PDE7B: variants seen among roughly 807,000 people sequenced by gnomAD.
PDE7B encodes the protein phosphodiesterase 7B, also known as 3',5'-cyclic-AMP phosphodiesterase 7B.
In PDE7B, 29 loss-of-function variants were observed where a neutral mutation model predicts 56.2. The observed-to-expected ratio is 0.52, with a 90% CI of 0.38 to 0.70. PDE7B has a LOEUF of 0.70. Among genes scored for constraint, PDE7B ranks in the 30% least tolerant of loss-of-function variants. The pLI is 0.00. For synonymous variants in PDE7B, 197 were observed against 196.9 expected (o/e 1.00, Z 0.00); for missense variants, 490 against 565.0 (o/e 0.87, Z 1.35).
intron 2 of PDE7B, among the ~76,000 whole-genome samples, chr6:136,010,716 G>A (rs1022302513): frequency 6.6e-6 from 1 of 151,920 alleles, no homozygotes; most frequent in Non-Finnish European, 1.5e-5. Flanking sequence ...GCAACCACTG[G>A]GTCCCTCCCT....
intron 2 of PDE7B, chr6:136,044,459 A>G (rs768599469): frequency 1.3e-5 from 2 of 152,198 alleles, no homozygotes; most frequent in Admixed American, 6.6e-5. Flanking sequence ...CTCAAGAAAC[A>G]TGAATTCTAG....
At chr6:136,020,770 CA>C (rs764974192) in intron 2 of PDE7B, among the ~76,000 whole-genome samples, 61 of 151,892 alleles carry the variant, frequency 4.0e-4, no homozygotes, top group Non-Finnish European at 6.0e-4. Flanking sequence ...AATTATCTTT[CA>C]GGTCACCTCT....
intron 2 of PDE7B, among the ~76,000 whole-genome samples, chr6:136,031,546 C>T (rs1050734654): frequency 5.3e-5 from 8 of 151,542 alleles, no homozygotes; most frequent in Admixed American, 3.9e-4. Context: ...GAGACCATCC[C>T]GGCTAAAACG....
intron 2 of PDE7B, among the ~76,000 whole-genome samples, chr6:135,955,576 T>C (rs1774777592): frequency 6.6e-6 from 1 of 152,048 alleles, no homozygotes; most frequent in African/African-American, 2.4e-5. Context: ...ATAGGACAAA[T>C]AACCATTGAA....
intron 1 of PDE7B, among the ~76,000 whole-genome samples, chr6:135,853,670 G>T (rs1343383264): frequency 6.6e-6 from 1 of 152,078 alleles, no homozygotes; most frequent in East Asian, 1.9e-4. Context: ...TCACTCTCTT[G>T]AACAACATGT....
intron 2 of PDE7B, among the ~76,000 whole-genome samples, chr6:135,966,278 G>A (rs376616551): frequency 4.6e-5 from 7 of 152,068 alleles, no homozygotes; most frequent in African/African-American, 1.7e-4. Context: ...TTTTAATGAA[G>A]GGGGCTACCT....
intron 1 of PDE7B, among the ~76,000 whole-genome samples, chr6:135,863,996 T>A (rs1391032522): frequency 6.6e-6 from 1 of 152,106 alleles, no homozygotes; most frequent in Non-Finnish European, 1.5e-5. Context: ...TTTATTCTTC[T>A]TGTTCTATAT....
intron 2 of PDE7B, among the ~76,000 whole-genome samples, chr6:136,052,354 G>A (rs942926648): frequency 1.3e-5 from 2 of 152,184 alleles, no homozygotes; most frequent in South Asian, 2.1e-4. Flanking sequence ...TCCTGGCTTC[G>A]GGTATGTGGA....
chr6:135,891,604 T>C (rs1209787188), intron 1 of PDE7B, among the ~76,000 whole-genome samples: 1 of 152,220 alleles, frequency 6.6e-6, no homozygotes, highest in Non-Finnish European at 1.5e-5. Context: ...CAGAATCATC[T>C]GAACACAGTG....
intron 1 of PDE7B, among the ~76,000 whole-genome samples, chr6:135,873,530 T>A (rs1775430108): frequency 6.6e-6 from 1 of 152,198 alleles, no homozygotes; most frequent in South Asian, 2.1e-4. Flanking sequence ...GGTAGTTTTA[T>A]GAATTCTGGA....
intron 1 of PDE7B, among the ~76,000 whole-genome samples, chr6:135,892,727 G>A (rs1775830165): frequency 6.6e-6 from 1 of 152,158 alleles, no homozygotes; most frequent in Admixed American, 6.6e-5. Flanking sequence ...CAGCATCGAA[G>A]CTCATATATA....
chr6:136,072,135 C>T (rs1777058948), intron 2 of PDE7B, among the ~76,000 whole-genome samples: 1 of 152,174 alleles, frequency 6.6e-6, no homozygotes, highest in South Asian at 2.1e-4. Flanking sequence ...TATTATGTAG[C>T]AGGCATCATA....
chr6:136,172,801 T>C (rs902937109), intron 8 of PDE7B, among the ~76,000 whole-genome samples: 12 of 152,324 alleles, frequency 7.9e-5, no homozygotes, highest in African/African-American at 2.4e-4. Context: ...CATCTTGAAT[T>C]AATTTTTGTA....
intron 1 of PDE7B, among the ~76,000 whole-genome samples, chr6:135,874,340 ACTTT>A (rs1775449427): frequency 6.6e-6 from 1 of 152,080 alleles, no homozygotes. Context: ...TTTTCTTCTT[ACTTT>A]CTTTCTAATT....
chr6:136,067,891 G>A (rs1776973389), intron 2 of PDE7B, among the ~76,000 whole-genome samples: 1 of 152,180 alleles, frequency 6.6e-6, no homozygotes, highest in East Asian at 1.9e-4. Flanking sequence ...AATGAAAAGA[G>A]AAGGTCAGGA....
At chr6:136,020,983 G>A (rs1168951961) in intron 2 of PDE7B, among the ~76,000 whole-genome samples, 1 of 152,172 alleles carries the variant, frequency 6.6e-6, no homozygotes, top group Non-Finnish European at 1.5e-5. Flanking sequence ...AAGTGCAAGA[G>A]CTACGTCTTT....
At chr6:136,087,166 A>G (rs1777306992) in intron 2 of PDE7B, among the ~76,000 whole-genome samples, 1 of 152,186 alleles carries the variant, frequency 6.6e-6, no homozygotes, top group Non-Finnish European at 1.5e-5. Flanking sequence ...TTATGGTTTA[A>G]TTGTTGATTG....
At chr6:136,100,479 G>A (rs1420196499) in intron 2 of PDE7B, among the ~76,000 whole-genome samples, 1 of 152,068 alleles carries the variant, frequency 6.6e-6, no homozygotes, top group Non-Finnish European at 1.5e-5. Flanking sequence ...TCCTTGAAGA[G>A]GTCCTTCACA....
At chr6:136,001,630 C>T (rs1036516765) in intron 2 of PDE7B, among the ~76,000 whole-genome samples, 66 of 151,900 alleles carry the variant, frequency 4.3e-4, no homozygotes, top group Non-Finnish European at 6.2e-4. Context: ...TGAAATGAAG[C>T]GAGAAGAGAA....
Sources: gnomAD v4.1 joint callset for allele counts (sites outside exome capture counted in the v4.1 genomes callset) on GRCh38, gnomAD v4.1.1 for gene constraint, MANE v1.5 for transcripts, NCBI Gene and HGNC (gene_info 2026-07-23, HGNC 2026-07-21) for gene names.